The following MFGE8 variants were observed in gnomAD, a reference collection of about 807,000 sequenced individuals.
MFGE8 encodes the protein lactadherin.
Under a neutral mutation model 42.6 loss-of-function variants are expected in MFGE8, and 34 were observed. The ratio of observed to expected loss-of-function variants is 0.80; its 90% CI spans 0.61 to 1.06. The LOEUF (loss-of-function observed/expected upper bound fraction) is 1.06. Among genes scored for constraint, MFGE8 ranks in the 50% least tolerant of loss-of-function variants. The pLI, the probability that MFGE8 is intolerant of heterozygous loss-of-function variation, is 0.00. For synonymous variants in MFGE8, 230 were observed against 214.8 expected, an observed-to-expected ratio of 1.07 and a Z score of -0.62; for missense variants, 510 against 516.9, an observed-to-expected ratio of 0.99 and a Z score of 0.13.
intron 1 of MFGE8, among the ~76,000 whole-genome samples, chr15:88,911,501 T>C (rs1898953833): frequency 1.3e-5 from 2 of 152,036 alleles, no homozygotes; most frequent in African/African-American, 4.8e-5. Context: ...GGTGGGAGGA[T>C]CATGAGGTCA....
rs150866490 is a variant in MFGE8, at chr15:88,909,862, C to T, written c.135G>A (p.Val45=). ...GGLCEEISQE[V]RGDVFPSYTC... is the part of the protein sequence containing the mutation. ...TGTACGAGGGGAAGACATCTCCTCG[C>T]ACTTCTTGGGAAATCTCCTCGCATA... The change falls in exon 2 of 8, where the codon GTG becomes GTA. Residue 45 remains valine (V), a synonymous_variant. Transcript: ENST00000268150. 2.9e-5 allele frequency: 47 copies of T among 1,614,224 alleles called. No individual in the cohort carries two copies. In the African/African-American group the frequency reaches 5.7e-4, roughly 20 times the overall value.
rs1030538672 is a variant in MFGE8 at position 88,901,479 on chromosome 15, G to C, written c.870+72C>G. 2.7e-6 allele frequency: 4 copies of C among 1,458,968 alleles called. No individual in the cohort carries two copies. In the African/African-American group the frequency reaches 5.6e-5, roughly 20 times the overall value. The allele number at this position is 1,458,968 out of a possible 1,614,324, so 90.4% of individuals were successfully genotyped here. The stretch of plus-strand genomic sequence containing the variant: ...GCAGAAGAGAAGCCTGGGCTGGAGA[G>C]AGGTCAAAGATCTGGCAGTCCCACC... On this transcript the variant is annotated intron_variant, in intron 6 of 7. Coordinates refer to ENST00000268150, the MANE Select transcript of MFGE8 (RefSeq NM_005928.4).
rs1354734361 is a variant in MFGE8, at chr15:88,906,661, AT to A, written c.504del (p.Glu168AspfsTer38). The A allele has an allele frequency of 6.2e-7, 1 of 1,613,898 alleles. No individual in the cohort carries two copies. The highest frequency in any genetic ancestry group is 2.2e-5 in the East Asian group (1 of 44,890). On this transcript the variant is annotated frameshift_variant, in exon 4 of 8. Coordinates refer to ENST00000268150, the MANE Select transcript of MFGE8 (RefSeq NM_005928.4). LOFTEE classifies it high-confidence loss of function. This position sits in a 1 kb window ranked among gnomAD's most constrained non-coding sequence, Gnocchi z 4.2. ...FKVAYSLNGH[E>X]FDFIHDVNKK... ...TTATTAACATCATGGATGAAATCGA[AT>A]TCGTGTCCATTAAGGCTGTAGGCCA...
intron 1 of MFGE8, among the ~76,000 whole-genome samples, chr15:88,911,550 G>T (rs962571206): frequency 6.6e-5 from 10 of 151,960 alleles, no homozygotes; most frequent in African/African-American, 2.4e-4. Flanking sequence ...GTGAAACCCC[G>T]TCTCTACTAA....
At chr15:88,908,813 G>A (rs908647449) in intron 2 of MFGE8, among the ~76,000 whole-genome samples, 2 of 152,196 alleles carry the variant, frequency 1.3e-5, no homozygotes, top group Non-Finnish European at 2.9e-5. Flanking sequence ...AGGCCCCAGG[G>A]CCACTTGGGA....
In MFGE8 at chr15:88,907,423, C is replaced by T. The variant is rs369292524; in HGVS notation, c.206-47G>A. ...TCAGGTGGCTACCCCAGCAGGTTCC[C>T]GGGCCCAGCTGGGACCCAGCGGACA... On this transcript the variant is annotated intron_variant, in intron 2 of 7. Coordinates refer to ENST00000268150, the MANE Select transcript of MFGE8 (RefSeq NM_005928.4). The T allele has an allele frequency of 1.3e-5, 20 of 1,576,898 alleles. No homozygotes were observed. In the African/African-American group the frequency reaches 1.9e-4, roughly 15 times the overall value.
Position 88,906,677 on chromosome 15 carries a change from G to C in MFGE8, c.489C>G (p.Ser163Arg), listed in dbSNP as rs1898692937. The C allele has an allele frequency of 6.2e-7, 1 of 1,613,826 alleles. No homozygotes were observed. The highest frequency in any genetic ancestry group is 1.3e-5 in the African/African-American group (1 of 74,852). ...EYLKAFKVAY[S>R]LNGHEFDFIH... Reference sequence around the variant, plus strand: ...TGAAATCGAATTCGTGTCCATTAAGGCTGTAGGCCACCTTGAAGGCCTTCA... The same window carrying C: ...TGAAATCGAATTCGTGTCCATTAAGCCTGTAGGCCACCTTGAAGGCCTTCA... Residue 163 changes from serine to arginine, a missense_variant, in exon 4 of 8, where the codon AGC becomes AGG. Coordinates refer to ENST00000268150, the MANE Select transcript of MFGE8 (RefSeq NM_005928.4). This position sits in a 1 kb window ranked among gnomAD's most constrained non-coding sequence, Gnocchi z 4.2.
intron 2 of MFGE8, 134 bp downstream of exon 2, chr15:88,909,658 A>G: frequency 7.7e-7 from 1 of 1,301,266 alleles, no homozygotes; most frequent in Non-Finnish European, 1.1e-6. Context: ...GAGTCTCCCC[A>G]GAGGAGGCCT....
rs1425595953 is a variant in MFGE8, at chr15:88,899,959, C to T, written c.871-148G>A. The stretch of plus-strand genomic sequence containing the variant: ...TTTGGCTATAAAATGGGCATAAGGC[C>T]GGACATGGTGTCTCATGCCTATAAT... On this transcript the variant is annotated intron_variant, in intron 6 of 7. Transcript: ENST00000268150. The surrounding 1 kb of genome is among the most constrained non-coding windows in gnomAD (Gnocchi z 6.8). 18 of 922,296 alleles carry T rather than the reference C, an allele frequency of 2.0e-5. No homozygotes were observed. Among genetic ancestry groups the T allele is most frequent in the Non-Finnish European group, 2.6e-5 (15 of 584,660 alleles). The allele number at this position is 922,296 out of a possible 1,614,324, so 57.1% of individuals were successfully genotyped here.
Position 88,899,241 on chromosome 15 carries a change from G to A in MFGE8, c.*154C>T, listed in dbSNP as rs1484456292. The stretch of plus-strand genomic sequence containing the variant: ...AGGGCCCGTGAGAGGTGGAGGGTGG[G>A]AAAGAGGGAGGGAGGGGTGACTGTG... On this transcript the variant is annotated 3_prime_UTR_variant, in exon 8 of 8. Transcript: ENST00000268150. The surrounding 1 kb of genome is among the most constrained non-coding windows in gnomAD (Gnocchi z 6.8). 9 of 1,029,286 alleles carry A rather than the reference G, an allele frequency of 8.7e-6. No individual in the cohort carries two copies. The highest frequency in any genetic ancestry group is 1.1e-5 in the Non-Finnish European group (8 of 699,530). The allele number at this position is 1,029,286 out of a possible 1,614,324, so 63.8% of individuals were successfully genotyped here.
chr15:88,901,063 A>T lies in MFGE8; in HGVS notation c.870+488T>A, dbSNP rs1230322503. Among the ~76,000 whole-genome samples, 3 of 142,610 alleles carry T rather than the reference A, an allele frequency of 2.1e-5. 1 individual carries two copies. Among genetic ancestry groups the T allele is most frequent in the Non-Finnish European group, 4.7e-5 (3 of 63,720 alleles). The allele number at this position is 142,610 out of a possible 152,430, so 93.6% of individuals were successfully genotyped here. ...CACACACATTCACACATACACATTC[A>T]CATACACATTCACATACACATTCAC... On this transcript the variant is annotated intron_variant, in intron 6 of 7. Coordinates refer to ENST00000268150, the MANE Select transcript of MFGE8 (RefSeq NM_005928.4).
In MFGE8 at chr15:88,905,253, G is replaced by A. The variant is rs1189745626; in HGVS notation, c.685+504C>T. On this transcript the variant is annotated intron_variant, in intron 5 of 7. Coordinates refer to ENST00000268150, the MANE Select transcript of MFGE8 (RefSeq NM_005928.4). The surrounding 1 kb of genome is among the most constrained non-coding windows in gnomAD (Gnocchi z 6.6). The stretch of plus-strand genomic sequence containing the variant: ...TCGGGAGCCCAGAGATCTAGACCAA[G>A]TCTTAATACCTACCAGATGTGTACC... The A allele has an allele frequency of 8.4e-6, 3 of 355,966 alleles. No individual in the cohort carries two copies. Among genetic ancestry groups the A allele is most frequent in the African/African-American group, 6.4e-5 (3 of 46,656 alleles). The allele number at this position is 355,966 out of a possible 1,614,324, so 22.1% of individuals were successfully genotyped here.
chr15:88,904,553 C>T (rs1898578163), intron 5 of MFGE8: 2 of 152,266 alleles, frequency 1.3e-5, no homozygotes, highest in South Asian at 2.1e-4. Context: ...AGGCTTCAAG[C>T]CAAAACAGCA....
chr15:88,912,137 A>G (rs1898993220), intron 1 of MFGE8: 1 of 1,289,822 alleles, frequency 7.8e-7, no homozygotes, highest in Non-Finnish European at 1.0e-6. Context: ...TGTGTAAGAT[A>G]GGTATGGTGT....
chr15:88,910,030 G>T (rs1596203307), intron 1 of MFGE8, 107 bp from the exon 2 acceptor site: 2 of 1,387,458 alleles, frequency 1.4e-6, no homozygotes, highest in Non-Finnish European at 2.0e-6. Flanking sequence ...ACTCAAACTC[G>T]CCCATTATCT....
At position 88,899,674 on chromosome 15, in the gene MFGE8, G is replaced by A. The variant is rs774560754; in HGVS notation, c.1008C>T (p.Pro336=). The A allele has an allele frequency of 5.0e-6, 8 of 1,614,180 alleles. No homozygotes were observed. Among genetic ancestry groups the A allele is most frequent in the Non-Finnish European group, 6.8e-6 (8 of 1,180,022 alleles). Residue 336 remains proline, a synonymous_variant, in exon 7 of 8, where the codon CCC becomes CCT. Coordinates refer to ENST00000268150, the MANE Select transcript of MFGE8 (RefSeq NM_005928.4). The surrounding 1 kb of genome is among the most constrained non-coding windows in gnomAD (Gnocchi z 6.8). ...CACCCACCTTACTGCTGCCAGTCCT[G>A]GGGTCCTGGTACTCAGTCCAGTTCG... ...DSANWTEYQD[P]RTGSSKIFPG... is the part of the protein sequence containing the mutation.
intron 1 of MFGE8, chr15:88,912,207 T>C (rs1396595363): frequency 1.6e-6 from 2 of 1,289,590 alleles, no homozygotes; most frequent in Non-Finnish European, 2.0e-6. Flanking sequence ...GACTTCAGAG[T>C]CCTGCTCTTT....
intron 6 of MFGE8, 81 bp downstream of exon 6, chr15:88,901,470 G>A: frequency 7.1e-7 from 1 of 1,404,606 alleles, no homozygotes; most frequent in Non-Finnish European, 1.0e-6. Flanking sequence ...GAGAAGCCTG[G>A]GCTGGAGAGA....
chr15:88,901,108 TTCACACATACACATTCAC>T (rs1898361145), intron 6 of MFGE8, among the ~76,000 whole-genome samples: 1 of 72,010 alleles, frequency 1.4e-5, no homozygotes, highest in Non-Finnish European at 3.3e-5. Flanking sequence ...CAAATACACA[TTCACACATACACATTCAC>T]ACACACACAT....
Sources: allele counts gnomAD v4.1 joint callset (sites outside exome capture counted in the v4.1 genomes callset), GRCh38; gene constraint gnomAD v4.1.1; non-coding constraint Gnocchi (gnomAD v3.1); transcripts MANE v1.5; gene names NCBI Gene and HGNC (gene_info 2026-07-23, HGNC 2026-07-21).